The following NCOA3 variants were observed in gnomAD, a reference collection of about 807,000 sequenced individuals.
NCOA3 encodes CBP-interacting protein.
NCOA3 carries 51 observed loss-of-function variants against 158.8 expected under a neutral mutation model. The observed-to-expected ratio is 0.32, with a 90% CI of 0.26 to 0.41. NCOA3 has a LOEUF of 0.41. NCOA3 is among the 10% of genes least tolerant of loss of function. The pLI, the probability that NCOA3 is intolerant of heterozygous loss-of-function variation, is 1.00. For missense variants in NCOA3, 1,510 were observed against 1,746.6 expected (o/e 0.86, Z 2.41); for synonymous variants, 537 against 592.4 (o/e 0.91, Z 1.36).
intron 1 of NCOA3, among the ~76,000 whole-genome samples, chr20:47,572,727 G>A (rs1602422111): frequency 6.6e-6 from 1 of 151,916 alleles, no homozygotes; most frequent in Admixed American, 6.6e-5. Context: ...GGTAGAGATG[G>A]GGTTTCACCA....
At chr20:47,613,334 CTT>C (rs11475079) in intron 2 of NCOA3, among the ~76,000 whole-genome samples, 38 of 136,864 alleles carry the variant, frequency 2.8e-4, no homozygotes, top group African/African-American at 3.9e-4. Flanking sequence ...ACGATTCCTT[CTT>C]TTTTTTTTTT....
intron 4 of NCOA3, 89 bp downstream of exon 4, chr20:47,624,172 A>G: frequency 1.8e-6 from 2 of 1,134,582 alleles, no homozygotes; most frequent in Admixed American, 2.3e-5. Context: ...CAGTTTTTCC[A>G]TGGACCTGGT....
chr20:47,611,370 T>C (rs1222493524), intron 2 of NCOA3, among the ~76,000 whole-genome samples: 1 of 152,244 alleles, frequency 6.6e-6, no homozygotes, highest in Non-Finnish European at 1.5e-5. Context: ...CTGCTGTTTT[T>C]ATTTTCATTA....
chr20:47,652,130 G>A (rs1000513776), intron 20 of NCOA3, among the ~76,000 whole-genome samples: 9 of 152,000 alleles, frequency 5.9e-5, no homozygotes, highest in African/African-American at 2.2e-4. Context: ...TGAGTGATAC[G>A]GAGTCCCTTT....
At chr20:47,555,869 C>T (rs1194763528) in intron 1 of NCOA3, among the ~76,000 whole-genome samples, 1 of 150,954 alleles carries the variant, frequency 6.6e-6, no homozygotes, top group African/African-American at 2.4e-5. Context: ...GTCTCGATCT[C>T]CTGACCTCAT....
chr20:47,510,071 A>G (rs564494031), intron 1 of NCOA3, among the ~76,000 whole-genome samples: 12 of 152,170 alleles, frequency 7.9e-5, no homozygotes, highest in Non-Finnish European at 1.6e-4. Flanking sequence ...CAGGACTGTT[A>G]CCATATTAAG....
chr20:47,580,976 C>T (rs2085443481), intron 1 of NCOA3, among the ~76,000 whole-genome samples: 2 of 151,962 alleles, frequency 1.3e-5, no homozygotes, highest in Non-Finnish European at 2.9e-5. Flanking sequence ...TGGTGTGTGC[C>T]TGTAGTCCCA....
chr20:47,532,839 C>T (rs1056016932), intron 1 of NCOA3, among the ~76,000 whole-genome samples: 2 of 151,990 alleles, frequency 1.3e-5, no homozygotes, highest in Non-Finnish European at 2.9e-5. Flanking sequence ...CACGGTGGCT[C>T]ACACCTGTAA....
At chr20:47,645,690 T>C (rs2086675466) in intron 17 of NCOA3, among the ~76,000 whole-genome samples, 1 of 152,186 alleles carries the variant, frequency 6.6e-6, no homozygotes, top group Non-Finnish European at 1.5e-5. Flanking sequence ...CATGTTTAAC[T>C]TAAAGTATAG....
At chr20:47,609,417 A>G (rs530380294) in intron 2 of NCOA3, among the ~76,000 whole-genome samples, 5 of 152,332 alleles carry the variant, frequency 3.3e-5, no homozygotes, top group Non-Finnish European at 7.3e-5. Context: ...TTCTCTAATA[A>G]TAATGAGGTG....
chr20:47,531,391 T>C (rs1169981289), intron 1 of NCOA3, among the ~76,000 whole-genome samples: 1 of 152,114 alleles, frequency 6.6e-6, no homozygotes, highest in East Asian at 1.9e-4. Flanking sequence ...ATTCAAGATA[T>C]ATAAATGAAC....
At chr20:47,526,147 C>A (rs2146095448) in intron 1 of NCOA3, among the ~76,000 whole-genome samples, 1 of 151,028 alleles carries the variant, frequency 6.6e-6, no homozygotes, top group East Asian at 2.0e-4. Context: ...AGGTGCTCCC[C>A]ACATCTCAGA....
intron 17 of NCOA3, among the ~76,000 whole-genome samples, chr20:47,646,048 G>C (rs1422047934): frequency 6.6e-6 from 1 of 152,146 alleles, no homozygotes; most frequent in African/African-American, 2.4e-5. Flanking sequence ...TTTGACATCT[G>C]TGAGGGGTTG....
chr20:47,635,737 T>C, intron 11 of NCOA3, 24 bp downstream of exon 11: 1 of 1,577,940 alleles, frequency 6.3e-7, no homozygotes, highest in Non-Finnish European at 8.6e-7. Context: ...CATTTCCTTT[T>C]ATTTTTTTTC....
chr20:47,651,705 C>T (rs2086796897), intron 20 of NCOA3, among the ~76,000 whole-genome samples: 2 of 151,870 alleles, frequency 1.3e-5, no homozygotes, highest in Non-Finnish European at 2.9e-5. Context: ...TGCTCTGTCA[C>T]CCAGGTTGGA....
At chr20:47,638,019 C>T (rs1017053315) in intron 13 of NCOA3, among the ~76,000 whole-genome samples, 1 of 152,000 alleles carries the variant, frequency 6.6e-6, no homozygotes, top group African/African-American at 2.4e-5. Context: ...GTAATCATGG[C>T]ACTTATAGAA....
At chr20:47,607,394 A>G (rs940626275) in intron 2 of NCOA3, among the ~76,000 whole-genome samples, 15 of 152,228 alleles carry the variant, frequency 9.9e-5, no homozygotes, top group African/African-American at 3.6e-4. Context: ...TGGAGAAGGC[A>G]TAGACTTAAA....
At chr20:47,591,381 T>TAC (rs889517609) in intron 2 of NCOA3, among the ~76,000 whole-genome samples, 7 of 152,222 alleles carry the variant, frequency 4.6e-5, no homozygotes, top group African/African-American at 1.7e-4. Context: ...AGGTACTTTG[T>TAC]ACAGTCTTTT....
chr20:47,642,784 CA>C (rs531620410), intron 17 of NCOA3, among the ~76,000 whole-genome samples: 8 of 152,192 alleles, frequency 5.3e-5, no homozygotes, highest in African/African-American at 1.9e-4. Flanking sequence ...TTTGTTTAAA[CA>C]AAACTTGTTT....
Sources: gnomAD v4.1 joint callset for allele counts (sites outside exome capture counted in the v4.1 genomes callset) on GRCh38, gnomAD v4.1.1 for gene constraint, MANE v1.5 for transcripts, NCBI Gene and HGNC (gene_info 2026-07-23, HGNC 2026-07-21) for gene names.